Variants in OR1B1 observed in about 807,000 individuals in gnomAD.
The protein encoded by OR1B1 is olfactory receptor family 1 subfamily B member 1.
For synonymous variants in OR1B1, 168 were observed against 156.2 expected (o/e 1.08, Z -0.57); for missense variants, 414 against 402.1 (o/e 1.03, Z -0.25).
the OR1B1 span, among the ~76,000 whole-genome samples, chr9:122,651,078 C>T: frequency 6.6e-6 from 1 of 151,884 alleles, no homozygotes; most frequent in Non-Finnish European, 1.5e-5. Flanking sequence ...ATCCAACATT[C>T]TTCATAATAT....
the OR1B1 span, among the ~76,000 whole-genome samples, chr9:122,650,953 A>G: frequency 2.6e-5 from 4 of 151,922 alleles, no homozygotes; most frequent in Non-Finnish European, 4.4e-5. Context: ...TGAACCCGGG[A>G]GGTGGAGCTT....
chr9:122,653,897 G>A, the OR1B1 span, among the ~76,000 whole-genome samples: 17 of 152,198 alleles, frequency 1.1e-4, no homozygotes, highest in South Asian at 3.3e-3. Flanking sequence ...TTTTTTGAGT[G>A]TTTATAATTT....
At chr9:122,630,226 C>G (rs1454337249), upstream of OR1B1, among the ~76,000 whole-genome samples, 1 of 152,136 alleles carries the variant, frequency 6.6e-6, no homozygotes, top group East Asian at 1.9e-4. Flanking sequence ...TTAGAAAAAC[C>G]TAAAGACCCC....
chr9:122,652,985 G>A, the OR1B1 span, among the ~76,000 whole-genome samples: 12 of 152,228 alleles, frequency 7.9e-5, no homozygotes, highest in East Asian at 2.3e-3. Context: ...GGATCCACCT[G>A]GAGTCCCAGC....
At chr9:122,632,576 C>T (rs1479113498), upstream of OR1B1, among the ~76,000 whole-genome samples, 1 of 152,032 alleles carries the variant, frequency 6.6e-6, no homozygotes, top group African/African-American at 2.4e-5. Context: ...ACCCCCCTTC[C>T]ACCGCTTCCC....
chr9:122,634,401 G>A (rs1209928682), upstream of OR1B1, among the ~76,000 whole-genome samples: 1 of 151,942 alleles, frequency 6.6e-6, no homozygotes. Context: ...CCCGAGACTG[G>A]GTGATTTATA....
the OR1B1 span, among the ~76,000 whole-genome samples, chr9:122,656,608 C>G: frequency 6.6e-6 from 1 of 152,182 alleles, no homozygotes; most frequent in Non-Finnish European, 1.5e-5. Flanking sequence ...TGCCCTCAGA[C>G]TTCCTAGCCT....
At chr9:122,654,712 C>G in the OR1B1 span, among the ~76,000 whole-genome samples, 1 of 152,188 alleles carries the variant, frequency 6.6e-6, no homozygotes, top group Admixed American at 6.5e-5. Flanking sequence ...TTTCTACTTT[C>G]TACTTCTAAT....
At chr9:122,629,314 C>T in exon 1 of OR1B1, 1 of 1,613,998 alleles carries the variant, frequency 6.2e-7, no homozygotes, top group African/African-American at 1.3e-5. Context: ...CTGTGGATAG[C>T]CCCATGTCTA....
At chr9:122,654,855 T>G in the OR1B1 span, among the ~76,000 whole-genome samples, 1 of 152,226 alleles carries the variant, frequency 6.6e-6, no homozygotes, top group Non-Finnish European at 1.5e-5. Context: ...ATTTCCCCCC[T>G]TTGTAAGGCT....
the OR1B1 span, among the ~76,000 whole-genome samples, chr9:122,639,226 G>A: frequency 0.01 from 1,581 of 151,868 alleles, 30 homozygotes; most frequent in African/African-American, 0.034. Context: ...TATTATATAC[G>A]TCTATGATTT....
At chr9:122,629,391 G>C (rs1564219101) in exon 1 of OR1B1, 1 of 1,614,054 alleles carries the variant, frequency 6.2e-7, no homozygotes, top group Middle Eastern at 1.6e-4. Flanking sequence ...GAGATGAGCA[G>C]CACCAGTGTC....
the OR1B1 span, among the ~76,000 whole-genome samples, chr9:122,652,640 A>G: frequency 1.3e-5 from 2 of 152,120 alleles, no homozygotes; most frequent in South Asian, 4.1e-4. Flanking sequence ...TTTTCTGTTC[A>G]TATATATTCT....
At chr9:122,657,313 T>C in the OR1B1 span, among the ~76,000 whole-genome samples, 3 of 146,980 alleles carry the variant, frequency 2.0e-5, no homozygotes, top group Non-Finnish European at 4.4e-5. Flanking sequence ...GCTACTATTA[T>C]CTATTTTTTA....
chr9:122,652,905 T>C, the OR1B1 span, among the ~76,000 whole-genome samples: 1 of 152,140 alleles, frequency 6.6e-6, no homozygotes, highest in Admixed American at 6.5e-5. Context: ...ATAATCACAG[T>C]GGGGAAGTCA....
chr9:122,644,768 A>G, the OR1B1 span, among the ~76,000 whole-genome samples: 1 of 151,950 alleles, frequency 6.6e-6, no homozygotes, highest in Non-Finnish European at 1.5e-5. Context: ...AAACCATACC[A>G]TGATTGGCCT....
chr9:122,633,369 G>A (rs1830223402), upstream of OR1B1, among the ~76,000 whole-genome samples: 1 of 152,064 alleles, frequency 6.6e-6, no homozygotes, highest in African/African-American at 2.4e-5. Context: ...ACAAGGGGGA[G>A]ACTCCTTGAC....
At chr9:122,634,131 G>T (rs981648795), upstream of OR1B1, among the ~76,000 whole-genome samples, 2 of 151,924 alleles carry the variant, frequency 1.3e-5, no homozygotes, top group Admixed American at 1.3e-4. Flanking sequence ...GAAGTCGGGA[G>T]TTTGAGACCA....
exon 1 of OR1B1, chr9:122,629,409 C>T (rs773902769): frequency 7.4e-6 from 12 of 1,613,826 alleles, no homozygotes; most frequent in Non-Finnish European, 1.0e-5. Context: ...GTCACATTCC[C>T]CAGTATGGTG....
Sources: allele counts gnomAD v4.1 joint callset (sites outside exome capture counted in the v4.1 genomes callset), GRCh38; gene constraint gnomAD v4.1.1; transcripts MANE v1.5; gene names NCBI Gene and HGNC (gene_info 2026-07-23, HGNC 2026-07-21).